The following SRGAP1 variants were observed in gnomAD, a reference collection of about 807,000 sequenced individuals.
SRGAP1 encodes the protein SLIT-ROBO Rho GTPase-activating protein 1.
In SRGAP1, 43 loss-of-function variants were observed where a neutral mutation model predicts 121.9. The ratio of observed to expected loss-of-function variants is 0.35; its 90% CI spans 0.28 to 0.46. The LOEUF (loss-of-function observed/expected upper bound fraction) is 0.46. Ranked by LOEUF, SRGAP1 falls within the 20% of genes least tolerant of loss-of-function variation. The pLI is 1.00. For synonymous variants in SRGAP1, 447 were observed against 485.4 expected, an observed-to-expected ratio of 0.92 and a Z score of 1.04; for missense variants, 1,102 against 1,350.9, an observed-to-expected ratio of 0.82 and a Z score of 2.89.
chr12:63,914,430 A>G (rs897996985), intron 1 of SRGAP1, among the ~76,000 whole-genome samples: 4 of 152,226 alleles, frequency 2.6e-5, no homozygotes, highest in Admixed American at 2.6e-4. Flanking sequence ...TTATGGGTGT[A>G]AAATAGATCT....
chr12:63,852,150 G>A (rs1341186384), intron 1 of SRGAP1, among the ~76,000 whole-genome samples: 2 of 151,840 alleles, frequency 1.3e-5, no homozygotes, highest in South Asian at 2.1e-4. Context: ...CTGCCATCAC[G>A]CCTGATTTTT....
chr12:64,146,713 C>T lies in SRGAP1; in HGVS notation c.*4041C>T, dbSNP rs949674744. 5.9e-5 allele frequency: 9 copies of T among 152,190 alleles called. No individual in the cohort carries two copies. Among genetic ancestry groups the T allele is most frequent in the Admixed American group, 4.6e-4 (7 of 15,294 alleles). The allele number at this position is 152,190 out of a possible 1,614,324, so 9.4% of individuals were successfully genotyped here. A position where few individuals can be genotyped will look rare whatever the true frequency, so the allele number is the denominator to read the frequency against. On this transcript the variant is annotated 3_prime_UTR_variant, in exon 22 of 22. Transcript: ENST00000355086. ...AGCAGCTTAGAAGTCTCTACCCAGG[C>T]GTAAATAGAGCTCCCTACTCCAGAC...
chr12:64,148,294 T>C lies in SRGAP1; in HGVS notation c.*5622T>C, dbSNP rs1458073537. The C allele has an allele frequency of 6.0e-5, 9 of 150,840 alleles. No homozygotes were observed. The highest frequency in any genetic ancestry group is 1.7e-4 in the African/African-American group (7 of 41,124). 9.3% of individuals were successfully genotyped at this position (150,840 alleles called of 1,614,324 possible). Reference sequence around the variant, plus strand: ...GTATTTTTCTTTACTTTTTTTTTTTTTTTTTTGAGACGAATCTCTCTGTGT... The same window carrying C: ...GTATTTTTCTTTACTTTTTTTTTTTCTTTTTTGAGACGAATCTCTCTGTGT... On this transcript the variant is annotated 3_prime_UTR_variant, in exon 22 of 22. Coordinates refer to ENST00000355086, the MANE Select transcript of SRGAP1 (RefSeq NM_020762.4).
intron 1 of SRGAP1, among the ~76,000 whole-genome samples, chr12:63,848,007 TTATATA>T (rs564914474): frequency 6.9e-6 from 1 of 145,980 alleles, no homozygotes; most frequent in Non-Finnish European, 1.5e-5. Context: ...AATTTTTATT[TTATATA>T]TATATATATA....
At position 64,104,622 on chromosome 12, in the gene SRGAP1, T is replaced by C. The variant is rs550255406; in HGVS notation, c.1814-4310T>C. On this transcript the variant is annotated intron_variant, in intron 15 of 21. Transcript: ENST00000355086. ...GAGCGAAGCTCCTGTAGGATACACA[T>C]TGCGCGCCTGTTGAGCAGCCAGCCA... Among the ~76,000 whole-genome samples, 196 of 152,306 alleles carry C rather than the reference T, an allele frequency of 1.3e-3. 3 individuals are homozygous for C. Among genetic ancestry groups the C allele is most frequent in the African/African-American group, 4.5e-3 (189 of 41,570 alleles).
intron 11 of SRGAP1, among the ~76,000 whole-genome samples, chr12:64,089,210 C>T (rs1372414173): frequency 1.3e-5 from 2 of 152,200 alleles, no homozygotes; most frequent in Non-Finnish European, 2.9e-5. Flanking sequence ...CTAATCACCC[C>T]AAGGCCAGGT....
Position 64,148,581 on chromosome 12 carries a change from G to C in SRGAP1, c.*5909G>C, listed in dbSNP as rs930772581. The C allele has an allele frequency of 6.6e-6, 1 of 151,758 alleles. No homozygotes were observed. The highest frequency in any genetic ancestry group is 6.5e-5 in the Admixed American group (1 of 15,270). The allele number at this position is 151,758 out of a possible 1,614,324, so 9.4% of individuals were successfully genotyped here. Reference sequence around the variant, plus strand: ...ATTACAGGTGTGAGCCATTGCATCTGGCCAGGTATTTTTCTTTAAATATAA... The same window carrying C: ...ATTACAGGTGTGAGCCATTGCATCTCGCCAGGTATTTTTCTTTAAATATAA... On this transcript the variant is annotated 3_prime_UTR_variant, in exon 22 of 22. Coordinates refer to ENST00000355086, the MANE Select transcript of SRGAP1 (RefSeq NM_020762.4).
At chr12:64,109,114 G>C in intron 16 of SRGAP1, 77 bp downstream of exon 16, 1 of 966,950 alleles carries the variant, frequency 1.0e-6, no homozygotes, top group Admixed American at 2.5e-5. Flanking sequence ...ATGTACGTTG[G>C]GTTCCATTTA....
intron 1 of SRGAP1, among the ~76,000 whole-genome samples, chr12:63,904,334 C>T (rs2030091578): frequency 6.6e-6 from 1 of 152,134 alleles, no homozygotes; most frequent in South Asian, 2.1e-4. Flanking sequence ...GAAATATGTG[C>T]AACTCCCGTG....
intron 1 of SRGAP1, among the ~76,000 whole-genome samples, chr12:63,927,912 A>C (rs971567591): frequency 6.6e-6 from 1 of 152,190 alleles, no homozygotes; most frequent in African/African-American, 2.4e-5. Flanking sequence ...TCTCAGAGCC[A>C]ACGTGCATTC....
chr12:64,127,707 T>C lies in SRGAP1; in HGVS notation c.2523T>C (p.Pro841=). 6.2e-7 allele frequency: 1 copy of C among 1,614,162 alleles called. No individual in the cohort carries two copies. ...KDMNSPTDRH[P]DGYLARQRKR... ...TGAACTCCCCGACAGACCGTCATCC[T>C]GACGGCTATTTAGCCAGGTAAGTAG... Residue 841 remains proline (P), a synonymous_variant, in exon 20 of 22, where the codon CCT becomes CCC. Coordinates refer to ENST00000355086, the MANE Select transcript of SRGAP1 (RefSeq NM_020762.4).
intron 1 of SRGAP1, among the ~76,000 whole-genome samples, chr12:63,908,083 A>G (rs1014209305): frequency 1.3e-5 from 2 of 152,152 alleles, no homozygotes; most frequent in Non-Finnish European, 2.9e-5. Flanking sequence ...GTATGTCCTT[A>G]TGCCAGTACC....
chr12:63,899,552 A>G (rs1358690242), intron 1 of SRGAP1, among the ~76,000 whole-genome samples: 2 of 152,208 alleles, frequency 1.3e-5, no homozygotes, highest in African/African-American at 4.8e-5. Flanking sequence ...GAAAGTGGCT[A>G]CAGAAATTGG....
intron 1 of SRGAP1, chr12:63,982,971 C>T (rs1432856076): frequency 6.6e-6 from 1 of 152,156 alleles, no homozygotes; most frequent in Non-Finnish European, 1.5e-5. Context: ...TTAAATGTGT[C>T]AGTAAGGGTA....
At position 64,115,856 on chromosome 12, in the gene SRGAP1, C is replaced by T. The variant is rs1358279626; in HGVS notation, c.2187C>T (p.Asp729=). 1 of 1,613,692 alleles carries T rather than the reference C, an allele frequency of 6.2e-7. No individual in the cohort carries two copies. Among genetic ancestry groups the T allele is most frequent in the South Asian group, 1.1e-5 (1 of 90,982 alleles). Residue 729 remains aspartate, a synonymous_variant, in exon 18 of 22, where the codon GAC becomes GAT. Transcript: ENST00000355086. Reference sequence around the variant, plus strand: ...AGCACGGTACATTGGAGGAAGTGGACCAAGATGCTGGTACAGAGCCCCACA... The same window carrying T: ...AGCACGGTACATTGGAGGAAGTGGATCAAGATGCTGGTACAGAGCCCCACA... ...YSEHGTLEEV[D]QDAGTEPHTS... is the part of the protein sequence containing the mutation.
chr12:64,045,822 C>A (rs887711984), intron 6 of SRGAP1, among the ~76,000 whole-genome samples: 1 of 152,120 alleles, frequency 6.6e-6, no homozygotes, highest in Non-Finnish European at 1.5e-5. Context: ...AAGCACCATT[C>A]CTGACAATGG....
At chr12:63,945,371 C>T (rs2032011238) in intron 1 of SRGAP1, among the ~76,000 whole-genome samples, 1 of 151,940 alleles carries the variant, frequency 6.6e-6, no homozygotes, top group South Asian at 2.1e-4. Context: ...ACCCATCAAC[C>T]CGTCATCTAT....
At chr12:64,141,743 G>C (rs2036966728) in intron 21 of SRGAP1, among the ~76,000 whole-genome samples, 1 of 152,132 alleles carries the variant, frequency 6.6e-6, no homozygotes, top group Admixed American at 6.5e-5. Context: ...CTTGAGCCCA[G>C]GAGTTCAAGA....
intron 1 of SRGAP1, among the ~76,000 whole-genome samples, chr12:63,969,730 C>G (rs1362238380): frequency 6.6e-6 from 1 of 151,608 alleles, no homozygotes; most frequent in Non-Finnish European, 1.5e-5. Context: ...GGAGGCAGAG[C>G]TTGCAGTGAA....
Sources: gnomAD v4.1 joint callset for allele counts (sites outside exome capture counted in the v4.1 genomes callset) on GRCh38, gnomAD v4.1.1 for gene constraint, MANE v1.5 for transcripts, NCBI Gene and HGNC (gene_info 2026-07-23, HGNC 2026-07-21) for gene names.